The following DIP2C variants were observed in gnomAD, a reference collection of about 807,000 sequenced individuals.
DIP2C encodes DIP2 acetate--CoA ligase C (putative).
A neutral mutation model predicts 192.4 loss-of-function variants in DIP2C; 33 were observed. That is an observed-to-expected ratio of 0.17 (90% CI 0.13 to 0.23). The LOEUF (loss-of-function observed/expected upper bound fraction) is 0.23. DIP2C is among the 10% of genes least tolerant of loss of function. The pLI, the probability that DIP2C is intolerant of heterozygous loss-of-function variation, is 1.00. For synonymous variants in DIP2C, 979 were observed against 864.1 expected, an observed-to-expected ratio of 1.13 and a Z score of -2.33; for missense variants, 1,537 against 2,110.1, an observed-to-expected ratio of 0.73 and a Z score of 5.32.
At position 472,436 on chromosome 10, in the gene DIP2C, T is replaced by C; in HGVS notation, c.268+3A>G. 1 of 1,613,772 alleles carries C rather than the reference T, an allele frequency of 6.2e-7. No individual in the cohort carries two copies. Among genetic ancestry groups the C allele is most frequent in the Non-Finnish European group, 8.5e-7 (1 of 1,179,730 alleles). On this transcript the variant is annotated splice_donor_region_variant and intron_variant, in intron 3 of 36. Coordinates refer to ENST00000280886, the MANE Select transcript of DIP2C (RefSeq NM_014974.3). ...GTATTGTATCACCCCACCCCGTGCT[T>C]ACCTGACCGATAGCGCTCATCTCGT...
chr10:356,414 T>G lies in DIP2C; in HGVS notation c.2985+12A>C, dbSNP rs762561370. ...AGGCCAGTAGCCAGGGAAGGCCAGCTCCGCGCCTCACCCGACAGTTGAGCA... is the reference window on the plus strand; with the variant it reads ...AGGCCAGTAGCCAGGGAAGGCCAGCGCCGCGCCTCACCCGACAGTTGAGCA... On this transcript the variant is annotated intron_variant, in intron 24 of 36. Transcript: ENST00000280886. The G allele has an allele frequency of 1.2e-6, 2 of 1,610,330 alleles. No homozygotes were observed. The highest frequency in any genetic ancestry group is 2.2e-5 in the South Asian group (2 of 91,084).
rs546341237 is a variant in DIP2C, at chr10:363,555, G to A, written c.2478-244C>T. 2.3e-4 allele frequency among the ~76,000 whole-genome samples: 35 copies of A among 152,312 alleles called. No individual in the cohort carries two copies. Among genetic ancestry groups the A allele is most frequent in the African/African-American group, 7.5e-4 (31 of 41,562 alleles). ...CACGGAGGCCACACACAGCACCCGC[G>A]GGCTCTGGTGACCAGGTTGCGCCTT... On this transcript the variant is annotated intron_variant, in intron 20 of 36. Coordinates refer to ENST00000280886, the MANE Select transcript of DIP2C (RefSeq NM_014974.3). This position sits in a 1 kb window ranked among gnomAD's most constrained non-coding sequence, Gnocchi z 5.4.
chr10:483,903 A>G (rs1180937606), intron 2 of DIP2C, among the ~76,000 whole-genome samples: 1 of 151,862 alleles, frequency 6.6e-6, no homozygotes, highest in Non-Finnish European at 1.5e-5. Flanking sequence ...TGCAGCCTTG[A>G]CTTCTTGGAT....
At chr10:616,081 T>C (rs541910087) in intron 1 of DIP2C, among the ~76,000 whole-genome samples, 21 of 152,312 alleles carry the variant, frequency 1.4e-4, no homozygotes, top group African/African-American at 5.1e-4. Flanking sequence ...TTGAGTGTAA[T>C]GACTCCAGGC....
intron 4 of DIP2C, among the ~76,000 whole-genome samples, chr10:436,391 T>G (rs1967201986): frequency 6.6e-6 from 1 of 152,226 alleles, no homozygotes; most frequent in African/African-American, 2.4e-5. Context: ...TTGGATTGAT[T>G]TGCTGCTGGT....
chr10:561,796 C>T (rs972288186), intron 1 of DIP2C, among the ~76,000 whole-genome samples: 1 of 152,208 alleles, frequency 6.6e-6, no homozygotes, highest in Non-Finnish European at 1.5e-5. Context: ...GTGTTTTCGC[C>T]ATTGTGAAGG....
chr10:429,116 C>T (rs912380752), intron 4 of DIP2C, among the ~76,000 whole-genome samples: 1 of 152,120 alleles, frequency 6.6e-6, no homozygotes, highest in Non-Finnish European at 1.5e-5. Context: ...TGGGTCTGGA[C>T]AAATGTATAA....
intron 24 of DIP2C, among the ~76,000 whole-genome samples, chr10:353,865 A>G (rs1227464052): frequency 1.3e-5 from 2 of 152,186 alleles, no homozygotes; most frequent in Non-Finnish European, 2.9e-5. Context: ...TCCTTTTTAA[A>G]ATCTTGCTTT....
At chr10:542,183 T>A (rs1459692728) in intron 1 of DIP2C, among the ~76,000 whole-genome samples, 1 of 152,146 alleles carries the variant, frequency 6.6e-6, no homozygotes, top group Admixed American at 6.5e-5. Flanking sequence ...GACGGCTCAC[T>A]CCCTCCTGAG....
chr10:527,185 G>A (rs185432226), intron 1 of DIP2C, among the ~76,000 whole-genome samples: 15 of 152,308 alleles, frequency 9.8e-5, no homozygotes, highest in African/African-American at 2.2e-4. Flanking sequence ...CGTACCGTGC[G>A]AAGTGCGGCA....
At chr10:517,616 G>A (rs1049860780) in intron 1 of DIP2C, among the ~76,000 whole-genome samples, 7 of 152,204 alleles carry the variant, frequency 4.6e-5, no homozygotes, top group South Asian at 2.1e-4. Flanking sequence ...CCATATGGAC[G>A]CCTTCCAAGT....
chr10:614,549 C>A (rs983625610), intron 1 of DIP2C, among the ~76,000 whole-genome samples: 7 of 152,206 alleles, frequency 4.6e-5, no homozygotes, highest in African/African-American at 1.7e-4. Context: ...CACAGCCGTG[C>A]AAGAGAACTG....
At chr10:524,671 CAAAG>C (rs1417669690) in intron 1 of DIP2C, among the ~76,000 whole-genome samples, 1 of 152,102 alleles carries the variant, frequency 6.6e-6, no homozygotes, top group Non-Finnish European at 1.5e-5. Context: ...ATTTTAAAAA[CAAAG>C]AATGCATTGC....
At chr10:330,755 C>T (rs1286411795) in intron 29 of DIP2C, among the ~76,000 whole-genome samples, 1 of 151,516 alleles carries the variant, frequency 6.6e-6, no homozygotes, top group Non-Finnish European at 1.5e-5. Context: ...GTAAGATGTG[C>T]CTGGCCTCCC....
At chr10:618,215 T>C (rs189723282) in intron 1 of DIP2C, among the ~76,000 whole-genome samples, 8 of 152,362 alleles carry the variant, frequency 5.3e-5, no homozygotes, top group East Asian at 3.9e-4. Context: ...AATATTTTCT[T>C]ATGTATGGTC....
chr10:689,342 G>A lies in DIP2C; in HGVS notation c.85+152C>T, dbSNP rs925522805. 2.3e-5 allele frequency: 7 copies of A among 303,380 alleles called. No homozygotes were observed. The highest frequency in any genetic ancestry group is 2.9e-5 in the Non-Finnish European group (6 of 204,864). The allele number at this position is 303,380 out of a possible 1,614,324, so 18.8% of individuals were successfully genotyped here. On this transcript the variant is annotated intron_variant, in intron 1 of 36. Coordinates refer to ENST00000280886, the MANE Select transcript of DIP2C (RefSeq NM_014974.3). The surrounding 1 kb of genome is among the most constrained non-coding windows in gnomAD (Gnocchi z 6.1). ...AAACGTCCCTAGGGCGCGGGGTCTGGGGGTCCGGGGGACGCGCACGCTCCG... is the reference window on the plus strand; with the variant it reads ...AAACGTCCCTAGGGCGCGGGGTCTGAGGGTCCGGGGGACGCGCACGCTCCG...
chr10:328,490 G>C (rs1957367470), intron 30 of DIP2C, among the ~76,000 whole-genome samples: 1 of 152,212 alleles, frequency 6.6e-6, no homozygotes, highest in South Asian at 2.1e-4. Flanking sequence ...ACTATGTCAT[G>C]ATTTTATTCT....
chr10:545,022 T>G (rs1848204840), intron 1 of DIP2C, among the ~76,000 whole-genome samples: 1 of 152,190 alleles, frequency 6.6e-6, no homozygotes, highest in Non-Finnish European at 1.5e-5. Context: ...AAGGGTGTAA[T>G]GAGCTGAACT....
rs1311143871 is a variant in DIP2C, at chr10:276,230, A to G, written c.*1095T>C. On this transcript the variant is annotated 3_prime_UTR_variant, in exon 37 of 37. Coordinates refer to ENST00000280886, the MANE Select transcript of DIP2C (RefSeq NM_014974.3). ...CATTCACTGTTGTCCCACAGCAAAG[A>G]AAAAAATAGTGCACATTGAGCTTTG... is the stretch of plus-strand genomic sequence containing the variant. The G allele has an allele frequency of 1.3e-5, 2 of 152,632 alleles. No homozygotes were observed. Among genetic ancestry groups the G allele is most frequent in the Non-Finnish European group, 2.9e-5 (2 of 68,028 alleles). The allele number at this position is 152,632 out of a possible 1,614,324, so 9.5% of individuals were successfully genotyped here. A position where few individuals can be genotyped will look rare whatever the true frequency, so the allele number is the denominator to read the frequency against.
Sources: gnomAD v4.1 joint callset for allele counts (sites outside exome capture counted in the v4.1 genomes callset) on GRCh38, gnomAD v4.1.1 for gene constraint, Gnocchi (gnomAD v3.1) non-coding constraint, MANE v1.5 for transcripts, NCBI Gene and HGNC (gene_info 2026-07-23, HGNC 2026-07-21) for gene names.